Variants in TMTC1 observed in about 807,000 individuals in gnomAD.
The protein encoded by TMTC1 is transmembrane O-mannosyltransferase targeting cadherins 1.
A neutral mutation model predicts 104.8 loss-of-function variants in TMTC1; 73 were observed. The ratio of observed to expected loss-of-function variants is 0.70; its 90% confidence interval spans 0.58 to 0.85. The LOEUF (loss-of-function observed/expected upper bound fraction) is 0.85. Ranked by LOEUF, TMTC1 falls within the 40% of genes least tolerant of loss-of-function variation. The probability of loss-of-function intolerance (pLI) is 0.00; values close to 1 mark genes in which losing one functional copy is unlikely to be tolerated. For missense variants in TMTC1, 1,035 were observed against 1,096.1 expected (o/e 0.94, Z 0.79); for synonymous variants, 434 against 428.7 (o/e 1.01, Z -0.15).
intron 11 of TMTC1, chr12:29,532,451 G>A (rs1944531033): frequency 6.6e-6 from 1 of 152,034 alleles, no homozygotes; most frequent in Non-Finnish European, 1.5e-5. Context: ...GAATCCAAAT[G>A]TCCCAGCATT....
chr12:29,506,623 C>T lies in TMTC1; in HGVS notation c.*223G>A, dbSNP rs902259154. The T allele has an allele frequency of 3.0e-5, 16 of 530,652 alleles. 1 individual carries two copies. The highest frequency in any genetic ancestry group is 2.9e-4 in the South Asian group (11 of 37,896). The allele number at this position is 530,652 out of a possible 1,614,324, so 32.9% of individuals were successfully genotyped here. A position where few individuals can be genotyped will look rare whatever the true frequency, so the allele number is the denominator to read the frequency against. On this transcript the variant is annotated 3_prime_UTR_variant, in exon 18 of 18. Coordinates refer to ENST00000539277, the MANE Select transcript of TMTC1 (RefSeq NM_001193451.2). ...AAATGTGTAAATGTCATTCTCCTTC[C>T]CTCTCAGACCTTCTTGCCCTTGTTT...
At chr12:29,605,040 ATTG>A (rs1404861072) in intron 6 of TMTC1, among the ~76,000 whole-genome samples, 103 of 152,312 alleles carry the variant, frequency 6.8e-4, no homozygotes, top group African/African-American at 2.4e-3. Context: ...TTGCAATGAC[ATTG>A]TAAAAACTCA....
At chr12:29,667,788 C>A (rs1434896410) in intron 5 of TMTC1, among the ~76,000 whole-genome samples, 1 of 152,222 alleles carries the variant, frequency 6.6e-6, no homozygotes, top group African/African-American at 2.4e-5. Context: ...CCTTGTCTCT[C>A]ATTAACAGTC....
chr12:29,559,624 G>A (rs912899322), intron 9 of TMTC1, among the ~76,000 whole-genome samples: 1 of 152,148 alleles, frequency 6.6e-6, no homozygotes, highest in African/African-American at 2.4e-5. Context: ...CAGGAGGAGG[G>A]ACCAATTATA....
At chr12:29,555,335 T>A (rs929512579) in intron 10 of TMTC1, among the ~76,000 whole-genome samples, 2 of 151,756 alleles carry the variant, frequency 1.3e-5, no homozygotes, top group South Asian at 2.1e-4. Flanking sequence ...TTTATTTTTT[T>A]AAAATTATAC....
At chr12:29,523,214 A>C (rs1038091329) in intron 11 of TMTC1, among the ~76,000 whole-genome samples, 1 of 152,238 alleles carries the variant, frequency 6.6e-6, no homozygotes, top group African/African-American at 2.4e-5. Flanking sequence ...TAAATGTAAC[A>C]AAGTTTATTT....
chr12:29,613,406 G>A (rs1442389439), intron 6 of TMTC1, among the ~76,000 whole-genome samples: 1 of 152,170 alleles, frequency 6.6e-6, no homozygotes. Flanking sequence ...TCTGAGGAGG[G>A]GGTGGAGAGA....
intron 8 of TMTC1, among the ~76,000 whole-genome samples, chr12:29,579,443 T>C (rs971344013): frequency 2.0e-5 from 3 of 152,222 alleles, no homozygotes; most frequent in Admixed American, 6.5e-5. Flanking sequence ...TTCTAAATTC[T>C]CTGCCTCAGC....
chr12:29,521,753 A>T (rs939383584), intron 11 of TMTC1, among the ~76,000 whole-genome samples: 3 of 151,766 alleles, frequency 2.0e-5, no homozygotes, highest in African/African-American at 7.3e-5. Flanking sequence ...TTTTTAGTAG[A>T]GATGGGGTTT....
At chr12:29,756,516 T>G (rs901813580) in intron 3 of TMTC1, among the ~76,000 whole-genome samples, 3 of 152,254 alleles carry the variant, frequency 2.0e-5, no homozygotes, top group Non-Finnish European at 4.4e-5. Context: ...TAACCTTTTT[T>G]TCTTTTGGCT....
At position 29,651,057 on chromosome 12, in the gene TMTC1, C is replaced by T. The variant is rs138197574; in HGVS notation, c.939-17721G>A. Among the ~76,000 whole-genome samples the T allele has an allele frequency of 5.4e-3, 826 of 152,284 alleles. 7 individuals are homozygous for T. Among genetic ancestry groups the T allele is most frequent in the African/African-American group, 0.019 (774 of 41,552 alleles). On this transcript the variant is annotated intron_variant, in intron 5 of 17. Coordinates refer to ENST00000539277, the MANE Select transcript of TMTC1 (RefSeq NM_001193451.2). ...GCACACGGGGGGCTACGCTTTCCAG[C>T]CCCTTTGCATTTGGAGGGGGCACAT...
At chr12:29,530,825 A>G (rs993944892) in intron 11 of TMTC1, among the ~76,000 whole-genome samples, 1 of 152,206 alleles carries the variant, frequency 6.6e-6, no homozygotes, top group East Asian at 1.9e-4. Context: ...CTCAATACAT[A>G]TTAGAAGTAA....
At chr12:29,756,490 GAAAAT>G (rs1943219046) in intron 3 of TMTC1, among the ~76,000 whole-genome samples, 1 of 152,192 alleles carries the variant, frequency 6.6e-6, no homozygotes, top group Non-Finnish European at 1.5e-5. Context: ...TCTCTGGGAT[GAAAAT>G]ACAACTATTT....
chr12:29,645,662 G>A lies in TMTC1; in HGVS notation c.939-12326C>T, dbSNP rs143255790. Among the ~76,000 whole-genome samples, 1,497 of 152,166 alleles carry A rather than the reference G, an allele frequency of 9.8e-3. 23 individuals are homozygous for A. Among genetic ancestry groups the A allele is most frequent in the South Asian group, 0.048 (233 of 4,824 alleles). ...TTTTTTTGCCTAAGGTATCTTTCTC[G>A]CTATAAAGGATTTAACATGTTTATT... On this transcript the variant is annotated intron_variant, in intron 5 of 17. Transcript: ENST00000539277.
chr12:29,710,933 TAATAATATATAAATATATATATA>T (rs1941904445), intron 5 of TMTC1, among the ~76,000 whole-genome samples: 1 of 16,348 alleles, frequency 6.1e-5, no homozygotes, highest in Non-Finnish European at 4.0e-4. Context: ...ATAAATATAT[TAATAATATATAAATATATATATA>T]AATATATTAA....
intron 5 of TMTC1, chr12:29,660,066 G>C: frequency 1.8e-6 from 2 of 1,087,762 alleles, no homozygotes; most frequent in Non-Finnish European, 2.7e-6. Context: ...CTCTAACAGG[G>C]AATGAAGTCA....
At chr12:29,754,333 A>G (rs1472997395) in intron 4 of TMTC1, among the ~76,000 whole-genome samples, 2 of 152,236 alleles carry the variant, frequency 1.3e-5, no homozygotes, top group Non-Finnish European at 2.9e-5. Flanking sequence ...CAGTGACTAC[A>G]TGAAGAAGAA....
chr12:29,625,094 C>A (rs945090307), intron 6 of TMTC1, among the ~76,000 whole-genome samples: 8 of 152,180 alleles, frequency 5.3e-5, no homozygotes, highest in African/African-American at 1.2e-4. Context: ...TGATTCAGTA[C>A]ACAACTCGTT....
At chr12:29,753,847 C>A (rs767262538) in intron 4 of TMTC1, among the ~76,000 whole-genome samples, 1 of 152,164 alleles carries the variant, frequency 6.6e-6, no homozygotes, top group Non-Finnish European at 1.5e-5. Context: ...GCAGCACTAC[C>A]GGATATGAAA....
Sources: gnomAD v4.1 joint callset for allele counts (sites outside exome capture counted in the v4.1 genomes callset) on GRCh38, gnomAD v4.1.1 for gene constraint, MANE v1.5 for transcripts, NCBI Gene and HGNC (gene_info 2026-07-23, HGNC 2026-07-21) for gene names.